The following HDAC9 variants were observed in gnomAD, a reference collection of about 807,000 sequenced individuals.
The protein encoded by HDAC9 is histone deacetylase 9.
HDAC9 carries 41 observed loss-of-function variants against 139.4 expected under a neutral mutation model. The observed-to-expected ratio is 0.29, with a 90% confidence interval of 0.23 to 0.38. The LOEUF (loss-of-function observed/expected upper bound fraction) is 0.38, where lower values mean the gene tolerates loss of function less well. Among genes scored for constraint, HDAC9 ranks in the 10% least tolerant of loss-of-function variants. The probability of loss-of-function intolerance (pLI) is 1.00; values close to 1 mark genes in which losing one functional copy is unlikely to be tolerated. For synonymous variants in HDAC9, 517 were observed against 476.2 expected (o/e 1.09, Z -1.12); for missense variants, 1,147 against 1,297.0 (o/e 0.88, Z 1.78).
intron 2 of HDAC9, among the ~76,000 whole-genome samples, chr7:18,199,454 A>T (rs1289547018): frequency 1.3e-5 from 2 of 151,982 alleles, no homozygotes; most frequent in African/African-American, 2.4e-5. Flanking sequence ...AAACCCAAGG[A>T]TCTGCTGTTA....
intron 1 of HDAC9, among the ~76,000 whole-genome samples, chr7:18,106,205 T>C (rs1471935728): frequency 2.6e-5 from 4 of 152,162 alleles, no homozygotes; most frequent in African/African-American, 9.7e-5. Flanking sequence ...GGGTAAATTT[T>C]TAGGTATGTG....
intron 2 of HDAC9, among the ~76,000 whole-genome samples, chr7:18,548,307 AC>A (rs1157970986): frequency 2.6e-5 from 4 of 152,118 alleles, no homozygotes; most frequent in Non-Finnish European, 4.4e-5. Context: ...ATTACAGATT[AC>A]CCTAACAGAT....
intron 17 of HDAC9, among the ~76,000 whole-genome samples, chr7:18,823,259 C>A (rs1795123359): frequency 6.6e-6 from 1 of 152,036 alleles, no homozygotes; most frequent in African/African-American, 2.4e-5. Flanking sequence ...GAAGAAAAGT[C>A]ATCAGCAAAG....
chr7:18,755,950 T>C (rs967387256), intron 14 of HDAC9, among the ~76,000 whole-genome samples: 6 of 152,142 alleles, frequency 3.9e-5, no homozygotes, highest in Non-Finnish European at 5.9e-5. Context: ...TAGTCCCAAG[T>C]GTTGGTCAGT....
At chr7:18,241,419 T>C (rs1794181447) in intron 2 of HDAC9, among the ~76,000 whole-genome samples, 1 of 152,176 alleles carries the variant, frequency 6.6e-6, no homozygotes, top group Non-Finnish European at 1.5e-5. Flanking sequence ...TTCTTTCTGT[T>C]GTTTCTGTTC....
At chr7:18,226,814 G>A (rs191160589) in intron 2 of HDAC9, among the ~76,000 whole-genome samples, 1 of 152,346 alleles carries the variant, frequency 6.6e-6, no homozygotes, top group East Asian at 1.9e-4. Flanking sequence ...AGCAGGATAT[G>A]TAGGCAGTGA....
At position 18,411,610 on chromosome 7, in the gene HDAC9, C is replaced by T. The variant is rs566599677; in HGVS notation, c.-41-84652C>T. ...CAAGATGGTCTTGATCTCCTGACCT[C>T]GTGATCTGCCTGCCTTGGCCTCCCA... is the stretch of plus-strand genomic sequence containing the variant. On this transcript the variant is annotated intron_variant, in intron 1 of 3. Transcript: ENST00000413509. Among the ~76,000 whole-genome samples the T allele has an allele frequency of 1.6e-4, 24 of 152,182 alleles. No homozygotes were observed. In the East Asian group the frequency reaches 4.7e-3, roughly 30 times the overall value.
chr7:18,755,164 T>G (rs1788771768), intron 14 of HDAC9, among the ~76,000 whole-genome samples: 1 of 152,146 alleles, frequency 6.6e-6, no homozygotes, highest in Non-Finnish European at 1.5e-5. Context: ...GTGATCTAGA[T>G]TTGATGAGTA....
At chr7:18,449,673 C>CA (rs1232290862) in intron 1 of HDAC9, among the ~76,000 whole-genome samples, 4 of 151,914 alleles carry the variant, frequency 2.6e-5, no homozygotes, top group Admixed American at 6.6e-5. Flanking sequence ...CCACCCTTCA[C>CA]AAAAAATACT....
intron 23 of HDAC9, among the ~76,000 whole-genome samples, chr7:18,943,701 C>T (rs918306272): frequency 2.0e-5 from 3 of 151,878 alleles, no homozygotes; most frequent in African/African-American, 7.2e-5. Context: ...CTCACTGGTC[C>T]CTCTTACCTT....
intron 1 of HDAC9, among the ~76,000 whole-genome samples, chr7:18,338,012 G>C (rs531894667): frequency 4.6e-5 from 7 of 151,800 alleles, no homozygotes; most frequent in Middle Eastern, 3.4e-3. Flanking sequence ...GAAAAGTATA[G>C]AGCACTGTGC....
At chr7:18,725,737 C>A (rs1430845179) in intron 12 of HDAC9, among the ~76,000 whole-genome samples, 1 of 152,108 alleles carries the variant, frequency 6.6e-6, no homozygotes, top group Admixed American at 6.6e-5. Context: ...CCCCCCAAAT[C>A]ATAATTATAT....
At chr7:18,144,145 G>A (rs905833417) in intron 1 of HDAC9, among the ~76,000 whole-genome samples, 3 of 152,030 alleles carry the variant, frequency 2.0e-5, no homozygotes, top group Non-Finnish European at 2.9e-5. Flanking sequence ...AACATTTTCT[G>A]ATTATGAATA....
intron 2 of HDAC9, among the ~76,000 whole-genome samples, chr7:18,563,900 A>G (rs1031329930): frequency 3.3e-5 from 5 of 150,582 alleles, no homozygotes; most frequent in African/African-American, 9.8e-5. Context: ...CAATGCCACA[A>G]TCTTGGCTGA....
chr7:18,463,907 G>C (rs909060238), intron 1 of HDAC9, among the ~76,000 whole-genome samples: 6 of 151,714 alleles, frequency 4.0e-5, no homozygotes, highest in African/African-American at 1.5e-4. Flanking sequence ...ATTCCACTGG[G>C]GGTATAGGAC....
At chr7:18,184,374 TG>T (rs1375432856) in intron 2 of HDAC9, among the ~76,000 whole-genome samples, 1 of 152,170 alleles carries the variant, frequency 6.6e-6, no homozygotes, top group Admixed American at 6.5e-5. Flanking sequence ...CACTCCAGCA[TG>T]GGCAACAAGA....
chr7:18,928,117 A>G (rs565520990), intron 22 of HDAC9, among the ~76,000 whole-genome samples: 3 of 152,320 alleles, frequency 2.0e-5, no homozygotes, highest in East Asian at 1.9e-4. Flanking sequence ...ATTTTACTAC[A>G]GGGAGGCAGG....
intron 2 of HDAC9, among the ~76,000 whole-genome samples, chr7:18,257,544 C>G (rs1795358789): frequency 1.3e-5 from 2 of 152,098 alleles, no homozygotes; most frequent in South Asian, 4.1e-4. Context: ...ACATACTTGT[C>G]TCTTGAGTTT....
chr7:18,269,581 G>A (rs935935291), intron 2 of HDAC9, among the ~76,000 whole-genome samples: 4 of 152,078 alleles, frequency 2.6e-5, no homozygotes, highest in African/African-American at 9.7e-5. Flanking sequence ...GGGAAGCTGG[G>A]CATGGTGGTG....
Sources: allele counts gnomAD v4.1 joint callset (sites outside exome capture counted in the v4.1 genomes callset), GRCh38; gene constraint gnomAD v4.1.1; transcripts MANE v1.5; gene names NCBI Gene and HGNC (gene_info 2026-07-23, HGNC 2026-07-21).